Variants in PCDHGA8 observed in about 807,000 individuals in gnomAD.
PCDHGA8 encodes the protein protocadherin gamma subfamily A, 8, also known as protocadherin gamma-A8.
In PCDHGA8, 45 loss-of-function variants were observed where a neutral mutation model predicts 59.2. That is an observed-to-expected ratio of 0.76 (90% confidence interval 0.60 to 0.98). PCDHGA8 has a LOEUF of 0.98. PCDHGA8 is among the 50% of genes least tolerant of loss of function. PCDHGA8 has a pLI of 0.00. For missense variants in PCDHGA8, 1,257 were observed against 1,196.2 expected (o/e 1.05, Z -0.75); for synonymous variants, 531 against 519.0 (o/e 1.02, Z -0.32).
At chr5:141,475,819 G>A (rs1232669115) in intron 1 of PCDHGA8, 4 of 350,114 alleles carry the variant, frequency 1.1e-5, no homozygotes, top group Non-Finnish European at 1.6e-5. Context: ...GAAGTTCCTG[G>A]CGCTAGCGCG....
At chr5:141,421,843 G>C (rs769652818) in intron 1 of PCDHGA8, 1 of 1,613,798 alleles carries the variant, frequency 6.2e-7, no homozygotes, top group Non-Finnish European at 8.5e-7. Context: ...CCGAGAGAAA[G>C]AGGCTGCTCA....
Position 141,431,335 on chromosome 5 carries a change from C to G in PCDHGA8, c.2424+36098C>G, listed in dbSNP as rs747132346. On this transcript the variant is annotated intron_variant, in intron 1 of 3. Transcript: ENST00000398604. The surrounding 1 kb of genome is among the most constrained non-coding windows in gnomAD (Gnocchi z 4.8). ...ATGGAGCCGACGGTAGTAAGTACCC[C>G]GAATTGGTGCTGAAACGCGCCCTGG... 2 of 1,614,062 alleles carry G rather than the reference C, an allele frequency of 1.2e-6. No homozygotes were observed. Among genetic ancestry groups the G allele is most frequent in the Non-Finnish European group, 1.7e-6 (2 of 1,180,022 alleles).
intron 1 of PCDHGA8, chr5:141,409,995 CG>C: frequency 1.2e-6 from 2 of 1,613,308 alleles, no homozygotes; most frequent in Non-Finnish European, 1.7e-6. Context: ...GACGCCGACT[CG>C]GGACACAACG....
chr5:141,425,587 T>G (rs2096884432), intron 1 of PCDHGA8, among the ~76,000 whole-genome samples: 2 of 152,226 alleles, frequency 1.3e-5, no homozygotes. Flanking sequence ...CTAACTTTAT[T>G]CTGAATATGC....
rs1306500688 is a variant in PCDHGA8 at position 141,491,142 on chromosome 5, A to T, written c.2425-3665A>T. ...GTGAGGTGCGCACAGCCCGGGCCTTACTGGAGGATGACTCTGACACCCAGC... is the reference window on the plus strand; with the variant it reads ...GTGAGGTGCGCACAGCCCGGGCCTTTCTGGAGGATGACTCTGACACCCAGC... On this transcript the variant is annotated intron_variant, in intron 1 of 3. Coordinates refer to ENST00000398604, the MANE Select transcript of PCDHGA8 (RefSeq NM_032088.2). This position sits in a 1 kb window ranked among gnomAD's most constrained non-coding sequence, Gnocchi z 6.9. 6.2e-7 allele frequency: 1 copy of T among 1,614,090 alleles called. No homozygotes were observed. Among genetic ancestry groups the T allele is most frequent in the Non-Finnish European group, 8.5e-7 (1 of 1,179,976 alleles).
At chr5:141,481,879 A>G (rs1204365605) in intron 1 of PCDHGA8, among the ~76,000 whole-genome samples, 1 of 144,890 alleles carries the variant, frequency 6.9e-6, no homozygotes, top group Non-Finnish European at 1.5e-5. Context: ...GCGCCACTGC[A>G]CTCCAGCCTG....
At chr5:141,444,119 T>G (rs1236466434) in intron 1 of PCDHGA8, among the ~76,000 whole-genome samples, 4 of 146,736 alleles carry the variant, frequency 2.7e-5, no homozygotes, top group African/African-American at 1.0e-4. Context: ...AAGTGAAGTA[T>G]CTCAACAGAT....
intron 1 of PCDHGA8, among the ~76,000 whole-genome samples, chr5:141,472,352 T>G (rs1364883510): frequency 6.6e-6 from 1 of 151,718 alleles, no homozygotes; most frequent in Non-Finnish European, 1.5e-5. Context: ...CCATCCTGGC[T>G]AACACGGTGA....
chr5:141,410,380 C>T, intron 1 of PCDHGA8: 1 of 1,614,072 alleles, frequency 6.2e-7, no homozygotes, highest in Non-Finnish European at 8.5e-7. Flanking sequence ...CTTGGGACTG[C>T]TTCCATCCTG....
At chr5:141,422,144 G>T in intron 1 of PCDHGA8, 1 of 1,583,520 alleles carries the variant, frequency 6.3e-7, no homozygotes, top group Non-Finnish European at 8.5e-7. Context: ...CAAGTACGGG[G>T]GTCTCTGGAT....
intron 1 of PCDHGA8, among the ~76,000 whole-genome samples, chr5:141,402,328 A>G (rs1589453798): frequency 6.6e-6 from 1 of 152,000 alleles, no homozygotes; most frequent in Non-Finnish European, 1.5e-5. Context: ...ACATTTACAA[A>G]TATATAGGTA....
intron 1 of PCDHGA8, chr5:141,402,820 C>T: frequency 1.6e-6 from 2 of 1,288,164 alleles, no homozygotes; most frequent in Admixed American, 3.0e-5. Context: ...CACAAACCTG[C>T]TCCCAGGCTG....
rs1349189547 is a variant in PCDHGA8 at position 141,432,777 on chromosome 5, C to A, written c.2424+37540C>A. 1.2e-6 allele frequency: 2 copies of A among 1,614,154 alleles called. No individual in the cohort carries two copies. The highest frequency in any genetic ancestry group is 1.3e-5 in the African/African-American group (1 of 75,062). ...GCCGACAGCATCCCCCAAGTCCTGGCGGACCTCGGCAGCCTCGAGTCTCCA... is the reference window on the plus strand; with the variant it reads ...GCCGACAGCATCCCCCAAGTCCTGGAGGACCTCGGCAGCCTCGAGTCTCCA... On this transcript the variant is annotated intron_variant, in intron 1 of 3. Transcript: ENST00000398604. This position sits in a 1 kb window ranked among gnomAD's most constrained non-coding sequence, Gnocchi z 6.0.
At chr5:141,427,444 G>T (rs1184893966) in intron 1 of PCDHGA8, 1 of 482,228 alleles carries the variant, frequency 2.1e-6, no homozygotes, top group South Asian at 1.5e-5. Flanking sequence ...ATAAACGAAA[G>T]AGTTCCTTTT....
intron 1 of PCDHGA8, among the ~76,000 whole-genome samples, chr5:141,454,607 T>C (rs1207742002): frequency 6.6e-6 from 1 of 151,574 alleles, no homozygotes; most frequent in Non-Finnish European, 1.5e-5. Flanking sequence ...GGTTTCTCCA[T>C]GTTGGTCAGG....
chr5:141,403,465 G>A, intron 1 of PCDHGA8: 1 of 1,614,018 alleles, frequency 6.2e-7, no homozygotes, highest in Non-Finnish European at 8.5e-7. Context: ...AGAGCTACCA[G>A]CTCAGCCCCA....
intron 1 of PCDHGA8, chr5:141,419,828 AC>A (rs1189387492): frequency 6.2e-7 from 1 of 1,614,022 alleles, no homozygotes; most frequent in Non-Finnish European, 8.5e-7. Flanking sequence ...CCTTTCAGCC[AC>A]TGCCACGCTG....
At chr5:141,403,565 G>A in intron 1 of PCDHGA8, 8 of 1,613,952 alleles carry the variant, frequency 5.0e-6, no homozygotes, top group Non-Finnish European at 6.8e-6. Context: ...CAGGGAGGAG[G>A]CAACTGCCCA....
intron 1 of PCDHGA8, chr5:141,468,632 C>G (rs1385644482): frequency 6.6e-6 from 1 of 151,628 alleles, no homozygotes; most frequent in Non-Finnish European, 1.5e-5. Context: ...TTTGGGAGGC[C>G]GAGGTGGGCG....
Sources: gnomAD v4.1 joint callset for allele counts (sites outside exome capture counted in the v4.1 genomes callset) on GRCh38, gnomAD v4.1.1 for gene constraint, Gnocchi (gnomAD v3.1) non-coding constraint, MANE v1.5 for transcripts, NCBI Gene and HGNC (gene_info 2026-07-23, HGNC 2026-07-21) for gene names.